IFT43: variants seen among roughly 807,000 people sequenced by gnomAD.
IFT43 encodes the protein intraflagellar transport protein 43 homolog.
A neutral mutation model predicts 32.3 loss-of-function variants in IFT43; 33 were observed. The ratio of observed to expected loss-of-function variants is 1.02; its 90% CI spans 0.77 to 1.37. The LOEUF (loss-of-function observed/expected upper bound fraction) is 1.37, where lower values mean the gene tolerates loss of function less well. Among genes scored for constraint, IFT43 ranks in the 40% most tolerant of loss-of-function variants. The pLI, the probability that IFT43 is intolerant of heterozygous loss-of-function variation, is 0.00. For missense variants in IFT43, 274 were observed against 265.9 expected, an observed-to-expected ratio of 1.03 and a Z score of -0.21; for synonymous variants, 93 against 98.2, an observed-to-expected ratio of 0.95 and a Z score of 0.31.
At chr14:76,065,867 A>G (rs1594858512) in intron 5 of IFT43, among the ~76,000 whole-genome samples, 1 of 152,284 alleles carries the variant, frequency 6.6e-6, no homozygotes, top group South Asian at 2.1e-4. Flanking sequence ...CAGTCCTTCC[A>G]CCTCGGTTTC....
chr14:76,021,195 G>C (rs2036284185), intron 2 of IFT43, among the ~76,000 whole-genome samples: 1 of 152,052 alleles, frequency 6.6e-6, no homozygotes, highest in South Asian at 2.1e-4. Flanking sequence ...GGGTGCTAGT[G>C]GTGGTGGGGG....
intron 5 of IFT43, among the ~76,000 whole-genome samples, chr14:76,068,969 G>C (rs1180130972): frequency 3.3e-5 from 5 of 152,188 alleles, no homozygotes; most frequent in Non-Finnish European, 7.3e-5. Flanking sequence ...AGCAAAATAA[G>C]TAAGGACAAA....
chr14:76,051,900 G>A (rs1436953054), intron 3 of IFT43, among the ~76,000 whole-genome samples: 2 of 152,122 alleles, frequency 1.3e-5, no homozygotes, highest in African/African-American at 4.8e-5. Flanking sequence ...CTATGGCTTT[G>A]GCGTTTCTTT....
At position 76,059,393 on chromosome 14, in the gene IFT43, A is replaced by G; in HGVS notation, c.295+20A>G. The G allele has an allele frequency of 1.2e-6, 2 of 1,612,406 alleles. No homozygotes were observed. The highest frequency in any genetic ancestry group is 1.7e-6 in the Non-Finnish European group (2 of 1,178,494). ...GAGGAGGTAAGAGGCCCTTGGAGGA[A>G]GTCAAAAGGTCTTCTAGAGAGGCCC... On this transcript the variant is annotated intron_variant, in intron 5 of 8. Transcript: ENST00000314067.
intron 5 of IFT43, 70 bp downstream of exon 5, chr14:76,059,443 AAGGCACT>A: frequency 4.1e-6 from 6 of 1,448,666 alleles, no homozygotes; most frequent in Non-Finnish European, 5.8e-6. Flanking sequence ...GGCTACAGCT[AAGGCACT>A]GTTGGCTGCA....
intron 2 of IFT43, among the ~76,000 whole-genome samples, chr14:76,007,410 CTCACTTCTTT>C (rs376959172): frequency 1.6e-4 from 25 of 152,298 alleles, no homozygotes; most frequent in African/African-American, 5.5e-4. Context: ...TAATGCTTCT[CTCACTTCTTT>C]TCCATTATCA....
At chr14:76,075,077 G>C (rs761342110) in intron 5 of IFT43, among the ~76,000 whole-genome samples, 2 of 152,202 alleles carry the variant, frequency 1.3e-5, no homozygotes, top group African/African-American at 2.4e-5. Context: ...TCCTCTCTCT[G>C]TCTCCCCATC....
At chr14:76,026,865 ATGT>A (rs1234238536) in intron 3 of IFT43, among the ~76,000 whole-genome samples, 1 of 152,218 alleles carries the variant, frequency 6.6e-6, no homozygotes, top group African/African-American at 2.4e-5. Flanking sequence ...GGTAAAGAAA[ATGT>A]TGTACATATA....
chr14:75,993,459 T>G (rs1311996044), intron 2 of IFT43, among the ~76,000 whole-genome samples: 2 of 152,164 alleles, frequency 1.3e-5, no homozygotes, highest in African/African-American at 4.8e-5. Flanking sequence ...ATACACCTGG[T>G]CAGATTTACT....
chr14:76,054,190 T>G (rs376586997), intron 3 of IFT43, among the ~76,000 whole-genome samples: 4 of 152,178 alleles, frequency 2.6e-5, no homozygotes, highest in Non-Finnish European at 5.9e-5. Flanking sequence ...GCCCAGCCCA[T>G]GTACATTGAA....
intron 1 of IFT43, among the ~76,000 whole-genome samples, chr14:75,987,211 T>C (rs1233263243): frequency 6.6e-6 from 1 of 152,242 alleles, no homozygotes; most frequent in Non-Finnish European, 1.5e-5. Context: ...TGTAGGATGC[T>C]GTATTCAGAT....
chr14:76,074,822 A>G (rs1354435904), intron 5 of IFT43, among the ~76,000 whole-genome samples: 1 of 152,166 alleles, frequency 6.6e-6, no homozygotes, highest in Admixed American at 6.5e-5. Flanking sequence ...CCAGATCACA[A>G]CTGTGCTGAG....
At chr14:76,038,900 C>T (rs181933163) in intron 3 of IFT43, among the ~76,000 whole-genome samples, 9 of 152,140 alleles carry the variant, frequency 5.9e-5, no homozygotes, top group East Asian at 1.9e-4. Flanking sequence ...GGAGCCTGTT[C>T]CCTGTTAAAC....
intron 2 of IFT43, among the ~76,000 whole-genome samples, chr14:75,992,752 G>T (rs1235919799): frequency 6.6e-6 from 1 of 152,072 alleles, no homozygotes; most frequent in Non-Finnish European, 1.5e-5. Flanking sequence ...TGTTGCCCAG[G>T]CTGGTCTCAA....
chr14:75,989,693 A>C lies in IFT43; in HGVS notation c.147+716A>C, dbSNP rs534281191. Among the ~76,000 whole-genome samples, 91 of 152,200 alleles carry C rather than the reference A, an allele frequency of 6.0e-4. 2 individuals are homozygous for C. In the South Asian group the frequency reaches 0.012, roughly 21 times the overall value. ...GTACCTATTGTGAACATATGCCATT[A>C]TATGTGAATTGTCTTTTTACATGTC... On this transcript the variant is annotated intron_variant, in intron 2 of 8. Transcript: ENST00000314067.
At chr14:76,046,104 T>A (rs554144150) in intron 3 of IFT43, among the ~76,000 whole-genome samples, 5 of 152,188 alleles carry the variant, frequency 3.3e-5, no homozygotes, top group African/African-American at 1.2e-4. Flanking sequence ...TTTAGAAAGA[T>A]GTGAAAGCCA....
At chr14:76,043,906 C>T (rs775123577) in intron 3 of IFT43, among the ~76,000 whole-genome samples, 2 of 152,206 alleles carry the variant, frequency 1.3e-5, no homozygotes, top group African/African-American at 4.8e-5. Context: ...ACCTGTGCTT[C>T]TGAACCACTG....
chr14:76,038,568 T>G (rs2036647409), intron 3 of IFT43, among the ~76,000 whole-genome samples: 1 of 152,198 alleles, frequency 6.6e-6, no homozygotes, highest in Non-Finnish European at 1.5e-5. Context: ...AGATAAGTTT[T>G]TATTTTCATG....
chr14:75,997,814 T>G (rs867549798), intron 2 of IFT43, among the ~76,000 whole-genome samples: 4 of 152,200 alleles, frequency 2.6e-5, no homozygotes, highest in Admixed American at 1.3e-4. Flanking sequence ...CCACCTGGGC[T>G]TCAGTAGTTG....
Sources: gnomAD v4.1 joint callset for allele counts (sites outside exome capture counted in the v4.1 genomes callset) on GRCh38, gnomAD v4.1.1 for gene constraint, MANE v1.5 for transcripts, NCBI Gene and HGNC (gene_info 2026-07-23, HGNC 2026-07-21) for gene names.